SLC9A8: variants seen among roughly 807,000 people sequenced by gnomAD.
The protein encoded by SLC9A8 is solute carrier family 9 member A8, also known as sodium/hydrogen exchanger 8.
SLC9A8 carries 48 observed loss-of-function variants against 66.6 expected under a neutral mutation model. The ratio of observed to expected loss-of-function variants is 0.72; its 90% CI spans 0.57 to 0.92. The LOEUF is 0.92. Ranked by LOEUF, SLC9A8 falls within the 40% of genes least tolerant of loss-of-function variation. The pLI, the probability that SLC9A8 is intolerant of heterozygous loss-of-function variation, is 0.00. For missense variants in SLC9A8, 599 were observed against 747.3 expected (o/e 0.80, Z 2.31); for synonymous variants, 274 against 282.6 (o/e 0.97, Z 0.31).
intron 3 of SLC9A8, among the ~76,000 whole-genome samples, chr20:49,834,394 ATATATACTGTG>A (rs1386999593): frequency 2.7e-5 from 2 of 74,416 alleles, no homozygotes; most frequent in Admixed American, 1.3e-4. Flanking sequence ...CTGTGTATAT[ATATATACTGTG>A]TATATATATA....
chr20:49,820,495 C>T (rs1295634104), intron 2 of SLC9A8, among the ~76,000 whole-genome samples: 4 of 149,660 alleles, frequency 2.7e-5, no homozygotes, highest in Non-Finnish European at 4.4e-5. Context: ...GACTCTGTCT[C>T]GGGGAAAAAA....
chr20:49,817,461 T>G (rs1026906181), intron 2 of SLC9A8, among the ~76,000 whole-genome samples: 11 of 152,094 alleles, frequency 7.2e-5, no homozygotes, highest in African/African-American at 1.7e-4. Flanking sequence ...ACTGTTTTTT[T>G]TTTTTTTTTT....
At chr20:49,839,835 A>G (rs1472784207) in intron 4 of SLC9A8, among the ~76,000 whole-genome samples, 1 of 151,840 alleles carries the variant, frequency 6.6e-6, no homozygotes, top group Non-Finnish European at 1.5e-5. Flanking sequence ...TTTTGTTATT[A>G]TACTTGCATT....
intron 10 of SLC9A8, among the ~76,000 whole-genome samples, chr20:49,871,583 A>G (rs1412503746): frequency 1.3e-5 from 2 of 152,194 alleles, no homozygotes; most frequent in Non-Finnish European, 2.9e-5. Flanking sequence ...CTGGCCGCAG[A>G]TGAGGGTGAT....
chr20:49,885,360 C>T (rs1173378868), intron 14 of SLC9A8, among the ~76,000 whole-genome samples: 1 of 152,186 alleles, frequency 6.6e-6, no homozygotes, highest in Non-Finnish European at 1.5e-5. Context: ...GGGTCTCACT[C>T]TATTGCACAG....
chr20:49,882,297 T>C lies in SLC9A8; in HGVS notation c.1270+1262T>C, dbSNP rs369623431. On this transcript the variant is annotated intron_variant, in intron 13 of 15. Transcript: ENST00000361573. The stretch of plus-strand genomic sequence containing the variant: ...GGAATTGGCCTTGGCAGGTCACCAG[T>C]GACCTCCCGCAGCCAGACCTGGAGG... 1.6e-4 allele frequency among the ~76,000 whole-genome samples: 24 copies of C among 152,294 alleles called. No homozygotes were observed. The East Asian group carries it at 2.3e-3, about 15-fold the overall frequency.
chr20:49,848,976 A>G (rs777978516), intron 5 of SLC9A8, among the ~76,000 whole-genome samples: 6 of 152,232 alleles, frequency 3.9e-5, no homozygotes, highest in Non-Finnish European at 7.3e-5. Flanking sequence ...CAGTACATAA[A>G]TAAGTGCAAA....
At chr20:49,883,696 A>G (rs1207825112) in intron 13 of SLC9A8, 150 bp from the exon 14 acceptor site, 1 of 635,836 alleles carries the variant, frequency 1.6e-6, no homozygotes, top group African/African-American at 1.8e-5. Context: ...TTACACCCCA[A>G]AGCCTCACAG....
At chr20:49,883,173 G>T (rs1336729688) in intron 13 of SLC9A8, among the ~76,000 whole-genome samples, 1 of 152,120 alleles carries the variant, frequency 6.6e-6, no homozygotes, top group African/African-American at 2.4e-5. Context: ...ACAGAGGAAT[G>T]TGCTGTTTTC....
At chr20:49,835,679 C>CT (rs34461954) in intron 3 of SLC9A8, among the ~76,000 whole-genome samples, 11,188 of 71,816 alleles carry the variant, frequency 0.16, 1,593 homozygotes, top group Non-Finnish European at 0.18. Flanking sequence ...ACACAATTCA[C>CT]TTTTTTTTTT....
At chr20:49,866,838 G>A (rs1278338282) in intron 10 of SLC9A8, among the ~76,000 whole-genome samples, 1 of 151,468 alleles carries the variant, frequency 6.6e-6, no homozygotes, top group African/African-American at 2.4e-5. Context: ...GTTATTTCCT[G>A]TTGCCGTATC....
At chr20:49,862,479 C>T (rs2088783508) in intron 8 of SLC9A8, among the ~76,000 whole-genome samples, 1 of 152,136 alleles carries the variant, frequency 6.6e-6, no homozygotes, top group South Asian at 2.1e-4. Context: ...CCAGGCTGGT[C>T]TGAACTCCTG....
At chr20:49,870,128 C>T (rs1430274064) in intron 10 of SLC9A8, among the ~76,000 whole-genome samples, 1 of 152,218 alleles carries the variant, frequency 6.6e-6, no homozygotes, top group Non-Finnish European at 1.5e-5. Flanking sequence ...AAAAATCAAA[C>T]TCTCGCCCAT....
chr20:49,870,743 C>A (rs1600777702), intron 10 of SLC9A8, among the ~76,000 whole-genome samples: 1 of 151,876 alleles, frequency 6.6e-6, no homozygotes, highest in East Asian at 1.9e-4. Context: ...GCTCTGTTAC[C>A]CAGGCTGGAG....
chr20:49,841,373 A>C (rs1003389784), intron 4 of SLC9A8, among the ~76,000 whole-genome samples: 1 of 151,362 alleles, frequency 6.6e-6, no homozygotes, highest in East Asian at 1.9e-4. Context: ...GTGGAGAGTC[A>C]GAGTGAGAAG....
At chr20:49,830,586 A>G (rs1047459866) in intron 3 of SLC9A8, 2 of 607,860 alleles carry the variant, frequency 3.3e-6, no homozygotes, top group Non-Finnish European at 6.0e-6. Context: ...AGAAGCTCCC[A>G]TCTCAGGGAA....
chr20:49,850,618 A>T (rs762494502), intron 6 of SLC9A8, 192 bp from the exon 7 acceptor site: 2 of 584,972 alleles, frequency 3.4e-6, no homozygotes, highest in Non-Finnish European at 5.8e-6. Flanking sequence ...TCTTTTCCAT[A>T]CTCTCGTTGC....
intron 3 of SLC9A8, among the ~76,000 whole-genome samples, chr20:49,834,473 A>ATATATATACTG (rs1568814887): frequency 1.7e-5 from 2 of 117,820 alleles, no homozygotes; most frequent in Non-Finnish European, 3.6e-5. Context: ...TACTGTGTAT[A>ATATATATACTG]TATATATATA....
intron 4 of SLC9A8, among the ~76,000 whole-genome samples, chr20:49,842,002 A>G (rs938891361): frequency 6.6e-6 from 1 of 151,974 alleles, no homozygotes; most frequent in African/African-American, 2.4e-5. Context: ...GGCCTTCCAA[A>G]GTGTTAGGAT....
Sources: allele counts gnomAD v4.1 joint callset (sites outside exome capture counted in the v4.1 genomes callset), GRCh38; gene constraint gnomAD v4.1.1; transcripts MANE v1.5; gene names NCBI Gene and HGNC (gene_info 2026-07-23, HGNC 2026-07-21).